The following APBB2 variants were observed in gnomAD, a reference collection of about 807,000 sequenced individuals.
APBB2 encodes the protein amyloid beta precursor protein binding family B member 2, also known as Fe65-like 1.
Under a neutral mutation model 82.5 loss-of-function variants are expected in APBB2, and 38 were observed. The ratio of observed to expected loss-of-function variants is 0.46; its 90% CI spans 0.36 to 0.60. The LOEUF (loss-of-function observed/expected upper bound fraction) is 0.60, where lower values mean the gene tolerates loss of function less well. Ranked by LOEUF, APBB2 falls within the 20% of genes least tolerant of loss-of-function variation. The probability of loss-of-function intolerance (pLI) is 0.00; values close to 1 mark genes in which losing one functional copy is unlikely to be tolerated. For synonymous variants in APBB2, 341 were observed against 368.2 expected, an observed-to-expected ratio of 0.93 and a Z score of 0.85; for missense variants, 772 against 972.3, an observed-to-expected ratio of 0.79 and a Z score of 2.74.
intron 7 of APBB2, among the ~76,000 whole-genome samples, chr4:40,940,274 C>A (rs528707286): frequency 1.9e-4 from 29 of 152,180 alleles, no homozygotes; most frequent in South Asian, 1.0e-3. Context: ...AAGGGACATG[C>A]AAATAAAAAT....
chr4:41,151,936 T>C (rs2154028176), intron 1 of APBB2, among the ~76,000 whole-genome samples: 1 of 152,276 alleles, frequency 6.6e-6, no homozygotes, highest in East Asian at 1.9e-4. Context: ...ACATTAGATC[T>C]TCAAATAGTA....
At chr4:40,908,710 G>C (rs974072648) in intron 10 of APBB2, among the ~76,000 whole-genome samples, 3 of 152,224 alleles carry the variant, frequency 2.0e-5, no homozygotes, top group African/African-American at 7.2e-5. Context: ...TGGGGAGTGA[G>C]TACTTCAAAG....
intron 10 of APBB2, among the ~76,000 whole-genome samples, chr4:40,928,893 C>CGAAT (rs1369540216): frequency 1.2e-4 from 18 of 149,778 alleles, no homozygotes; most frequent in Non-Finnish European, 2.1e-4. Context: ...TCAAAATGAA[C>CGAAT]GAATGAATGA....
At chr4:41,064,162 T>G (rs1430315096) in intron 4 of APBB2, among the ~76,000 whole-genome samples, 1 of 151,994 alleles carries the variant, frequency 6.6e-6, no homozygotes. Flanking sequence ...GTATTTTTAG[T>G]AGAGACGGGG....
chr4:40,873,016 A>C (rs1200607927), intron 12 of APBB2, among the ~76,000 whole-genome samples: 1 of 147,762 alleles, frequency 6.8e-6, no homozygotes, highest in Non-Finnish European at 1.5e-5. Context: ...TGAACACAGG[A>C]GGCGGAGGTT....
chr4:40,968,209 A>G (rs1046053532), intron 6 of APBB2, among the ~76,000 whole-genome samples: 12 of 152,238 alleles, frequency 7.9e-5, no homozygotes, highest in African/African-American at 2.7e-4. Context: ...CAGAGCTAGT[A>G]ACAGTAGGCT....
At chr4:40,875,728 C>A (rs561829807) in intron 12 of APBB2, among the ~76,000 whole-genome samples, 4 of 152,194 alleles carry the variant, frequency 2.6e-5, no homozygotes, top group Admixed American at 6.5e-5. Flanking sequence ...GTGATTAGGG[C>A]TCAGACTCTG....
chr4:40,923,187 A>G (rs941134964), intron 10 of APBB2, among the ~76,000 whole-genome samples: 40 of 149,444 alleles, frequency 2.7e-4, no homozygotes, highest in African/African-American at 3.2e-4. Context: ...GTGTTAGCCA[A>G]GATGGTCTCG....
At chr4:40,828,139 G>T (rs1750584187) in intron 13 of APBB2, among the ~76,000 whole-genome samples, 1 of 152,096 alleles carries the variant, frequency 6.6e-6, no homozygotes, top group African/African-American at 2.4e-5. Flanking sequence ...AAATTACCCA[G>T]TCTTGGGTAT....
intron 12 of APBB2, among the ~76,000 whole-genome samples, chr4:40,845,742 G>A (rs898396210): frequency 9.2e-5 from 14 of 151,980 alleles, no homozygotes; most frequent in African/African-American, 2.9e-4. Context: ...CTGAGCACGC[G>A]AGGCAAGGAC....
At chr4:40,968,456 C>T (rs939775023) in intron 6 of APBB2, among the ~76,000 whole-genome samples, 2 of 152,140 alleles carry the variant, frequency 1.3e-5, no homozygotes, top group African/African-American at 4.8e-5. Flanking sequence ...AATCATACTA[C>T]AGCTATTAAT....
chr4:41,052,665 A>G (rs574183263), intron 4 of APBB2, among the ~76,000 whole-genome samples: 19 of 152,282 alleles, frequency 1.2e-4, no homozygotes, highest in African/African-American at 4.3e-4. Flanking sequence ...TCCTCTCGGT[A>G]AAATGAGGTA....
At chr4:40,996,823 CAT>C (rs1193031248) in intron 6 of APBB2, among the ~76,000 whole-genome samples, 1 of 152,142 alleles carries the variant, frequency 6.6e-6, no homozygotes, top group Non-Finnish European at 1.5e-5. Flanking sequence ...GTAAAACTCT[CAT>C]AATCACCTGC....
chr4:40,914,310 T>G (rs1284191636), intron 10 of APBB2, among the ~76,000 whole-genome samples: 2 of 150,474 alleles, frequency 1.3e-5, no homozygotes, highest in Non-Finnish European at 3.0e-5. Flanking sequence ...GAGGCGGAGT[T>G]TGCAGGGAGC....
chr4:41,210,684 T>C (rs1334002127), intron 1 of APBB2, among the ~76,000 whole-genome samples: 5 of 152,222 alleles, frequency 3.3e-5, no homozygotes, highest in African/African-American at 9.6e-5. Flanking sequence ...AGAACCTTCT[T>C]GAAAACATTC....
intron 4 of APBB2, among the ~76,000 whole-genome samples, chr4:41,036,234 T>G (rs1451774359): frequency 2.0e-5 from 3 of 152,184 alleles, no homozygotes; most frequent in Non-Finnish European, 4.4e-5. Flanking sequence ...CCACTTTATT[T>G]AAGGGGCTTG....
intron 4 of APBB2, among the ~76,000 whole-genome samples, chr4:41,064,447 G>A (rs778330726): frequency 2.0e-5 from 3 of 152,194 alleles, no homozygotes; most frequent in African/African-American, 4.8e-5. Context: ...CACTTATGGG[G>A]AATTACCCCA....
At position 41,162,315 on chromosome 4, in the gene APBB2, TAGGTCTCCTATTC is replaced by T. The variant is rs1420601766; in HGVS notation, c.-416-19186_-416-19174del. Among the ~76,000 whole-genome samples, 25 of 151,960 alleles carry T rather than the reference TAGGTCTCCTATTC, an allele frequency of 1.6e-4. 1 individual carries two copies. Among genetic ancestry groups the T allele is most frequent in the Non-Finnish European group, 5.9e-5 (4 of 67,990 alleles). On this transcript the variant is annotated intron_variant, in intron 1 of 17. Transcript: ENST00000508593. ...TATTTCTTAAATTTCTTTTAATCTC[TAGGTCTCCTATTC>T]ATCTCTCTGTCTCCCTTTTTTCTAA...
At chr4:40,939,916 T>C (rs184805180) in intron 7 of APBB2, among the ~76,000 whole-genome samples, 1 of 152,212 alleles carries the variant, frequency 6.6e-6, no homozygotes, top group African/African-American at 2.4e-5. Context: ...AATCAGTCTC[T>C]GTGAGCAGCA....
Sources: allele counts gnomAD v4.1 joint callset (sites outside exome capture counted in the v4.1 genomes callset), GRCh38; gene constraint gnomAD v4.1.1; transcripts MANE v1.5; gene names NCBI Gene and HGNC (gene_info 2026-07-23, HGNC 2026-07-21).